KIAA1586: variants seen among roughly 807,000 people sequenced by gnomAD.
The protein encoded by KIAA1586 is KIAA1586, also known as E3 SUMO-protein ligase KIAA1586.
A neutral mutation model predicts 6.1 loss-of-function variants in KIAA1586; 5 were observed. The observed-to-expected ratio is 0.82, with a 90% CI of 0.43 to 1.73. The LOEUF (loss-of-function observed/expected upper bound fraction) is 1.73, where lower values mean the gene tolerates loss of function less well. Among genes scored for constraint, KIAA1586 ranks in the 40% most tolerant of loss-of-function variants. The pLI is 0.02. For missense variants in KIAA1586, 899 were observed against 878.2 expected, an observed-to-expected ratio of 1.02 and a Z score of -0.30; for synonymous variants, 280 against 301.7, an observed-to-expected ratio of 0.93 and a Z score of 0.75.
the KIAA1586 span, among the ~76,000 whole-genome samples, chr6:57,060,814 T>G: frequency 6.6e-6 from 1 of 152,082 alleles, no homozygotes; most frequent in Non-Finnish European, 1.5e-5. Flanking sequence ...TTTATTTATT[T>G]ATTTATTTAT....
At position 57,053,304 on chromosome 6, in the gene KIAA1586, G is replaced by T; in HGVS notation, c.805G>T (p.Ala269Ser). ...HNRPLSDIEG[A>S]RELQEKNGEV... ...CAGACCTTTATCTGATATTGAGGGG[G>T]CAAGAGAATTACAGGAAAAAAATGG... The change falls in exon 4 of 4, where the codon GCA becomes TCA. Residue 269 changes from alanine to serine, a missense_variant. Ala to Ser is a moderately conservative substitution (Grantham distance 99, BLOSUM62 1). Coordinates refer to ENST00000370733, the MANE Select transcript of KIAA1586 (RefSeq NM_020931.4). The T allele has an allele frequency of 6.2e-7, 1 of 1,612,466 alleles. No homozygotes were observed. Among genetic ancestry groups the T allele is most frequent in the Non-Finnish European group, 8.5e-7 (1 of 1,179,222 alleles).
At chr6:57,064,376 A>T in the KIAA1586 span, among the ~76,000 whole-genome samples, 1 of 152,240 alleles carries the variant, frequency 6.6e-6, no homozygotes, top group East Asian at 1.9e-4. Context: ...AGAGTGCTGC[A>T]ACAAACCTTA....
At chr6:57,058,086 C>T (rs542252514), downstream of KIAA1586, among the ~76,000 whole-genome samples, 5 of 152,088 alleles carry the variant, frequency 3.3e-5, no homozygotes, top group East Asian at 1.9e-4. Context: ...TGAGCCACCG[C>T]GCCCATCTCA....
the KIAA1586 span, among the ~76,000 whole-genome samples, chr6:57,064,628 T>A: frequency 6.6e-5 from 10 of 152,218 alleles, no homozygotes; most frequent in Non-Finnish European, 1.3e-4. Context: ...ACTTGGAGTT[T>A]CCTGGACCAG....
In KIAA1586 at chr6:57,053,200, T is replaced by C. The variant is rs1397322119; in HGVS notation, c.701T>C (p.Leu234Ser). 22 of 1,604,978 alleles carry C rather than the reference T, an allele frequency of 1.4e-5. No individual in the cohort carries two copies. Among genetic ancestry groups the C allele is most frequent in the Non-Finnish European group, 1.8e-5 (21 of 1,176,668 alleles). The change falls in exon 4 of 4, where the codon TTA becomes TCA. Residue 234 changes from leucine to serine, a missense_variant. Physicochemically the swap from Leu to Ser is moderately radical, Grantham distance 145. Transcript: ENST00000370733. ...KESTNDSICN[L>S]VHKQNNKNID... Reference sequence around the variant, plus strand: ...TCAACTAATGATTCAATTTGTAATTTAGTGCATAAACAAAATAATAAAAAT... The same window carrying C: ...TCAACTAATGATTCAATTTGTAATTCAGTGCATAAACAAAATAATAAAAAT...
In KIAA1586 at chr6:57,054,966, G is replaced by A. The variant is rs1828471200; in HGVS notation, c.*103G>A. 3 of 1,267,350 alleles carry A rather than the reference G, an allele frequency of 2.4e-6. No individual in the cohort carries two copies. The South Asian group carries it at 5.4e-5, about 23-fold the overall frequency. 78.5% of individuals were successfully genotyped at this position (1,267,350 alleles called of 1,614,324 possible). On this transcript the variant is annotated 3_prime_UTR_variant, in exon 4 of 4. Coordinates refer to ENST00000370733, the MANE Select transcript of KIAA1586 (RefSeq NM_020931.4). ...TGGAAAGCCAGTTAAACTTTTATCA[G>A]CATGTTGCTGTTTAAAAGGCGTTCT...
Position 57,053,406 on chromosome 6 carries a change from A to G in KIAA1586, c.907A>G (p.Ile303Val), listed in dbSNP as rs1268296516. 3.4e-5 allele frequency: 55 copies of G among 1,607,988 alleles called. No homozygotes were observed. The highest frequency in any genetic ancestry group is 4.4e-5 in the Non-Finnish European group (52 of 1,177,132). The change falls in exon 4 of 4, where the codon ATA becomes GTA. Residue 303 changes from isoleucine to valine, a missense_variant. By Grantham distance (29) the Ile-to-Val change is conservative (BLOSUM62 3). Transcript: ENST00000370733. Reference sequence around the variant, plus strand: ...TATTGCAAAAGAAATGAAGATGAAGATATTTAAGAATATTATAGAAGAGAA... The same window carrying G: ...TATTGCAAAAGAAATGAAGATGAAGGTATTTAAGAATATTATAGAAGAGAA... ...EHIAKEMKMKIFKNIIEENAK... is the reference protein window; with the variant it reads ...EHIAKEMKMKVFKNIIEENAK...
the KIAA1586 span, among the ~76,000 whole-genome samples, chr6:57,065,571 C>T: frequency 6.6e-6 from 1 of 151,222 alleles, no homozygotes; most frequent in Non-Finnish European, 1.5e-5. Context: ...ACTGCAGCCT[C>T]GACCTTCTGG....
chr6:57,062,261 T>C, the KIAA1586 span, among the ~76,000 whole-genome samples: 3 of 152,208 alleles, frequency 2.0e-5, no homozygotes, highest in African/African-American at 7.2e-5. Flanking sequence ...TTTATATGCA[T>C]TGATTGTCTC....
At chr6:57,064,416 T>C in the KIAA1586 span, among the ~76,000 whole-genome samples, 10 of 152,348 alleles carry the variant, frequency 6.6e-5, no homozygotes, top group East Asian at 1.7e-3. Flanking sequence ...CTGTGTGTTC[T>C]CCTATATAGA....
chr6:57,048,739 G>C (rs747474145), intron 2 of KIAA1586, among the ~76,000 whole-genome samples: 6 of 152,134 alleles, frequency 3.9e-5, no homozygotes, highest in Non-Finnish European at 5.9e-5. Flanking sequence ...AGTTTTTTGT[G>C]CATCTGTATG....
intron 3 of KIAA1586, 43 bp downstream of exon 3, chr6:57,050,897 T>G: frequency 1.5e-6 from 2 of 1,352,156 alleles, no homozygotes; most frequent in Non-Finnish European, 2.1e-6. Context: ...TCTTATTAAG[T>G]GCAATAGTGT....
Position 57,054,691 on chromosome 6 carries a change from CAG to C in KIAA1586, c.2194_2195del (p.Asp732PhefsTer46), listed in dbSNP as rs755305893. 3.2e-5 allele frequency: 49 copies of C among 1,552,686 alleles called. No individual in the cohort carries two copies. The African/African-American group carries it at 6.6e-4, about 21-fold the overall frequency. ...AATAGTTTAACAATAGATCATGTAT[CAG>C]ATTTAATGACAATAAATTTACTGGG... On this transcript the variant is annotated frameshift_variant, in exon 4 of 4. Coordinates refer to ENST00000370733, the MANE Select transcript of KIAA1586 (RefSeq NM_020931.4). LOFTEE classifies it low-confidence loss of function (END_TRUNC).
At chr6:57,049,605 T>C (rs1340944895) in intron 2 of KIAA1586, among the ~76,000 whole-genome samples, 3 of 152,204 alleles carry the variant, frequency 2.0e-5, no homozygotes, top group South Asian at 2.1e-4. Context: ...GTAAATTTTA[T>C]TGAAATATAG....
chr6:57,060,748 A>C, the KIAA1586 span, among the ~76,000 whole-genome samples: 1 of 152,168 alleles, frequency 6.6e-6, no homozygotes, highest in African/African-American at 2.4e-5. Flanking sequence ...GTCACAATTA[A>C]CCAAAATTAT....
chr6:57,056,575 T>A (rs965640870), downstream of KIAA1586, among the ~76,000 whole-genome samples: 11 of 133,658 alleles, frequency 8.2e-5, no homozygotes, highest in African/African-American at 3.2e-4. Flanking sequence ...GAGGGGAGGG[T>A]CCTGCTATGT....
At position 57,053,936 on chromosome 6, in the gene KIAA1586, A is replaced by C. The variant is rs1164160357; in HGVS notation, c.1437A>C (p.Val479=). 6 of 1,583,206 alleles carry C rather than the reference A, an allele frequency of 3.8e-6. No individual in the cohort carries two copies. Among genetic ancestry groups the C allele is most frequent in the Non-Finnish European group, 5.1e-6 (6 of 1,169,504 alleles). ...LETEIIKIGR[V]MGPRWAACSL... ...CTGAAATTATTAAAATTGGTCGAGT[A>C]ATGGGACCAAGATGGGCGGCATGTA... The change falls in exon 4 of 4, where the codon GTA becomes GTC. Residue 479 remains valine (V), a synonymous_variant. Coordinates refer to ENST00000370733, the MANE Select transcript of KIAA1586 (RefSeq NM_020931.4).
At chr6:57,047,988 T>C (rs567851726) in intron 2 of KIAA1586, among the ~76,000 whole-genome samples, 292 of 149,274 alleles carry the variant, frequency 2.0e-3, no homozygotes, top group Non-Finnish European at 5.6e-4. Context: ...TGGGCCCCAC[T>C]GCAGACCTAC....
At position 57,052,850 on chromosome 6, in the gene KIAA1586, A is replaced by G. The variant is rs1828368081; in HGVS notation, c.351A>G (p.Glu117=). 2.5e-6 allele frequency: 4 copies of G among 1,613,222 alleles called. No individual in the cohort carries two copies. In the Admixed American group the frequency reaches 5.0e-5, roughly 20 times the overall value. ...AGTATATTGAACAACCAATCATTGA[A>G]GAAAAGCCATCACTTTCATCAAAGA... The part of the protein sequence containing the change: ...HFEYIEQPII[E]EKPSLSSKKE... The change falls in exon 4 of 4, where the codon GAA becomes GAG. Residue 117 remains glutamate, a synonymous_variant. Transcript: ENST00000370733.
Sources: gnomAD v4.1 joint callset for allele counts (sites outside exome capture counted in the v4.1 genomes callset) on GRCh38, gnomAD v4.1.1 for gene constraint, MANE v1.5 for transcripts, NCBI Gene and HGNC (gene_info 2026-07-23, HGNC 2026-07-21) for gene names.